MIER2: variants seen among roughly 807,000 people sequenced by gnomAD.
MIER2 encodes the protein mesoderm induction early response protein 2.
Under a neutral mutation model 67.6 loss-of-function variants are expected in MIER2, and 30 were observed. That is an observed-to-expected ratio of 0.44 (90% confidence interval 0.33 to 0.60). The LOEUF is 0.60. Among genes scored for constraint, MIER2 ranks in the 20% least tolerant of loss-of-function variants. The pLI, the probability that MIER2 is intolerant of heterozygous loss-of-function variation, is 0.02. For missense variants in MIER2, 702 were observed against 745.1 expected, an observed-to-expected ratio of 0.94 and a Z score of 0.67; for synonymous variants, 372 against 312.6, an observed-to-expected ratio of 1.19 and a Z score of -2.00.
In MIER2 at chr19:327,927, A is replaced by C; in HGVS notation, c.306T>G (p.Ile102Met). 6.2e-7 allele frequency: 1 copy of C among 1,613,026 alleles called. No individual in the cohort carries two copies. Among genetic ancestry groups the C allele is most frequent in the Non-Finnish European group, 8.5e-7 (1 of 1,179,512 alleles). Residue 102 changes from isoleucine (I) to methionine (M), a missense_variant, in exon 4 of 14, where the codon ATT becomes ATG. Transcript: ENST00000264819. ...CACCACCCTCACTCTCCCGGTCTGAAATGGGGTCTGACGCCTCGTAGCCAT... is the reference window on the plus strand; with the variant it reads ...CACCACCCTCACTCTCCCGGTCTGACATGGGGTCTGACGCCTCGTAGCCAT... ...ALYGYEASDPISDRESEGGDV... is the reference protein window; with the variant it reads ...ALYGYEASDPMSDRESEGGDV...
chr19:334,295 A>G (rs994512468), intron 3 of MIER2, 105 bp downstream of exon 3: 1 of 1,498,492 alleles, frequency 6.7e-7, no homozygotes, highest in Non-Finnish European at 9.0e-7. Flanking sequence ...AAAAAGATGT[A>G]CAATTTAGCA....
At chr19:326,146 A>C (rs61389123) in intron 6 of MIER2, among the ~76,000 whole-genome samples, 21,264 of 146,646 alleles carry the variant, frequency 0.15, 2,152 homozygotes, top group African/African-American at 0.26. Flanking sequence ...GAGCCATGGG[A>C]GGGATGCCAG....
chr19:320,220 C>CA (rs35481848), intron 7 of MIER2, among the ~76,000 whole-genome samples: 40,135 of 148,754 alleles, frequency 0.27, 6,830 homozygotes, highest in Non-Finnish European at 0.38. Flanking sequence ...ACAAAATAAA[C>CA]AAAAAAAAAA....
In MIER2 at chr19:308,442, G is replaced by A. The variant is rs954564131; in HGVS notation, c.1198+135C>T. 8 of 917,510 alleles carry A rather than the reference G, an allele frequency of 8.7e-6. No homozygotes were observed. The highest frequency in any genetic ancestry group is 3.3e-5 in the South Asian group (2 of 60,222). The allele number at this position is 917,510 out of a possible 1,614,324, so 56.8% of individuals were successfully genotyped here. A position where few individuals can be genotyped will look rare whatever the true frequency, so the allele number is the denominator to read the frequency against. The stretch of plus-strand genomic sequence containing the variant: ...CATCCACATCACGTGGCTGCCCTCC[G>A]CCACCCAGACGCCCACTCCTCCTGG... On this transcript the variant is annotated intron_variant, in intron 12 of 13. Transcript: ENST00000264819. The surrounding 1 kb of genome is among the most constrained non-coding windows in gnomAD (Gnocchi z 9.1).
At chr19:307,703 G>C (rs983187064) in intron 12 of MIER2, among the ~76,000 whole-genome samples, 167 bp from the exon 13 acceptor site, 2 of 152,010 alleles carry the variant, frequency 1.3e-5, no homozygotes, top group African/African-American at 4.8e-5. Flanking sequence ...CGAGCCCCAG[G>C]TTAAGGGTCT....
chr19:332,122 G>A (rs181768219), intron 3 of MIER2, among the ~76,000 whole-genome samples: 61 of 151,824 alleles, frequency 4.0e-4, no homozygotes, highest in Middle Eastern at 3.4e-3. Context: ...ATATTAACAT[G>A]TCACTGATTT....
Position 334,439 on chromosome 19 carries a change from G to C in MIER2, c.204C>G (p.Asp68Glu), listed in dbSNP as rs1972149530. Residue 68 changes from aspartate to glutamate, a missense_variant, in exon 3 of 14, where the codon GAC becomes GAG. Around this residue, in one of 3 missense-constraint regions of MIER2, gnomAD observed 320 missense variants for 292.6 expected, o/e 1.09. Coordinates refer to ENST00000264819, the MANE Select transcript of MIER2 (RefSeq NM_017550.3). ...CCTTCTCCAGCTCCTCCTTGGGCTT[G>C]TCTGGGCACCTCGAGGCCTCCTCGC... ...GECEEASRCP[D>E]KPKEELEKDF... 1 of 1,614,236 alleles carries C rather than the reference G, an allele frequency of 6.2e-7. No individual in the cohort carries two copies. The highest frequency in any genetic ancestry group is 1.1e-5 in the South Asian group (1 of 91,080).
chr19:334,397 T>A lies in MIER2; in HGVS notation c.243+3A>T. 1.9e-6 allele frequency: 3 copies of A among 1,614,052 alleles called. No individual in the cohort carries two copies. Among genetic ancestry groups the A allele is most frequent in the Non-Finnish European group, 2.5e-6 (3 of 1,179,930 alleles). On this transcript the variant is annotated splice_donor_region_variant and intron_variant, in intron 3 of 13. Transcript: ENST00000264819. ...CAGGGGCAGGATCACCTTGGCCAAG[T>A]ACCTGGGAGATGAAGTCCTTCTCCA...
In MIER2 at chr19:338,001, G is replaced by C. The variant is rs552435738; in HGVS notation, c.10-1828C>G. On this transcript the variant is annotated intron_variant, in intron 1 of 13. Coordinates refer to ENST00000264819, the MANE Select transcript of MIER2 (RefSeq NM_017550.3). Reference sequence around the variant, plus strand: ...ATCCTGGCCAACAAGGTGAAACCCTGTCTCTACTAAAAATGTAAAAATTAG... The same window carrying C: ...ATCCTGGCCAACAAGGTGAAACCCTCTCTCTACTAAAAATGTAAAAATTAG... Among the ~76,000 whole-genome samples, 82 of 151,350 alleles carry C rather than the reference G, an allele frequency of 5.4e-4. 2 individuals are homozygous for C. In the South Asian group the frequency reaches 0.01, roughly 19 times the overall value.
chr19:325,297 G>A (rs958331785), intron 7 of MIER2, among the ~76,000 whole-genome samples: 20 of 152,218 alleles, frequency 1.3e-4, no homozygotes, highest in Admixed American at 3.3e-4. Flanking sequence ...CATCTAACCC[G>A]GCACAGAGCC....
intron 2 of MIER2, 137 bp downstream of exon 2, chr19:335,946 G>A (rs3816322): frequency 0.55 from 421,745 of 762,322 alleles, 121,076 homozygotes; most frequent in East Asian, 0.69. Context: ...CCATCTGAAC[G>A]GGTGGGAGCT....
At chr19:319,243 T>C (rs1404203182) in intron 7 of MIER2, among the ~76,000 whole-genome samples, 1 of 151,812 alleles carries the variant, frequency 6.6e-6, no homozygotes. Flanking sequence ...GCGCCTGTAG[T>C]CCCAGCTACT....
intron 1 of MIER2, chr19:344,483 G>C (rs1245323684): frequency 6.6e-6 from 4 of 610,278 alleles, no homozygotes; most frequent in African/African-American, 2.0e-5. Flanking sequence ...GCCCCGCCCC[G>C]CGTCCCTCCC....
intron 7 of MIER2, among the ~76,000 whole-genome samples, chr19:322,847 C>T (rs746887746): frequency 6.6e-6 from 1 of 152,202 alleles, no homozygotes. Context: ...ACAGCTGAAC[C>T]AACCATGACC....
At chr19:323,450 C>T (rs1568227430) in intron 7 of MIER2, among the ~76,000 whole-genome samples, 1 of 151,242 alleles carries the variant, frequency 6.6e-6, no homozygotes, top group African/African-American at 2.4e-5. Context: ...CACAACCATG[C>T]AGACGACTCG....
intron 10 of MIER2, among the ~76,000 whole-genome samples, chr19:311,306 A>G (rs1426508222): frequency 6.6e-6 from 1 of 152,250 alleles, no homozygotes; most frequent in Non-Finnish European, 1.5e-5. Flanking sequence ...AAGAAGCCAC[A>G]GGGCAGAGGG....
intron 6 of MIER2, 121 bp from the exon 7 acceptor site, chr19:325,825 C>G: frequency 9.5e-7 from 1 of 1,053,750 alleles, no homozygotes. Context: ...CCAGACCCAT[C>G]TGTGCCGTCT....
Position 334,555 on chromosome 19 carries a change from G to A in MIER2, c.101-13C>T, listed in dbSNP as rs200225439. The stretch of plus-strand genomic sequence containing the variant: ...CCCATGGACACCACTGGGGAGAAGA[G>A]AGCAGCCCAGGTGAGCACCGTGCCT... On this transcript the variant is annotated splice_polypyrimidine_tract_variant and intron_variant, in intron 2 of 13. Coordinates refer to ENST00000264819, the MANE Select transcript of MIER2 (RefSeq NM_017550.3). 6.2e-7 allele frequency: 1 copy of A among 1,612,774 alleles called. No individual in the cohort carries two copies. The highest frequency in any genetic ancestry group is 8.5e-7 in the Non-Finnish European group (1 of 1,179,802).
rs201491939 is a variant in MIER2, at chr19:306,675, G to A, written c.*15C>T. ...AAGTCCAGTCTGGGCCGCATACGCC[G>A]CCCGCGGCCAGGAGTCAGCAGGTCA... is the stretch of plus-strand genomic sequence containing the variant. On this transcript the variant is annotated 3_prime_UTR_variant, in exon 14 of 14. Transcript: ENST00000264819. The A allele has an allele frequency of 1.5e-5, 23 of 1,554,508 alleles. No homozygotes were observed. Among genetic ancestry groups the A allele is most frequent in the East Asian group, 4.9e-5 (2 of 41,016 alleles).
Sources: allele counts gnomAD v4.1 joint callset (sites outside exome capture counted in the v4.1 genomes callset), GRCh38; gene constraint gnomAD v4.1.1; regional missense constraint gnomAD v4.1.1; non-coding constraint Gnocchi (gnomAD v3.1); transcripts MANE v1.5; gene names NCBI Gene and HGNC (gene_info 2026-07-23, HGNC 2026-07-21).